The following RORA variants were observed in gnomAD, a reference collection of about 807,000 sequenced individuals.
RORA encodes the protein RAR related orphan receptor A, also known as nuclear receptor ROR-alpha.
A neutral mutation model predicts 69.5 loss-of-function variants in RORA; 7 were observed. The observed-to-expected ratio is 0.10, with a 90% CI of 0.06 to 0.19. The LOEUF (loss-of-function observed/expected upper bound fraction) is 0.19. Ranked by LOEUF, RORA falls within the 10% of genes least tolerant of loss-of-function variation. RORA has a pLI of 1.00. For missense variants in RORA, 457 were observed against 663.0 expected (o/e 0.69, Z 3.41); for synonymous variants, 261 against 240.8 (o/e 1.08, Z -0.78).
chr15:60,712,206 C>T (rs2071154269), intron 1 of RORA, among the ~76,000 whole-genome samples: 1 of 152,062 alleles, frequency 6.6e-6, no homozygotes, highest in Non-Finnish European at 1.5e-5. Flanking sequence ...ACCAGTTGTT[C>T]CCTACATATT....
chr15:60,932,494 T>C (rs1371872502), intron 1 of RORA, among the ~76,000 whole-genome samples: 1 of 152,232 alleles, frequency 6.6e-6, no homozygotes, highest in Admixed American at 6.5e-5. Flanking sequence ...TGTTTACGTG[T>C]TACTACCAAG....
intron 1 of RORA, among the ~76,000 whole-genome samples, chr15:60,880,970 C>T (rs977834188): frequency 6.6e-6 from 1 of 152,190 alleles, no homozygotes; most frequent in Non-Finnish European, 1.5e-5. Context: ...ATCTCTCACC[C>T]CTATTTTAAC....
chr15:61,043,021 T>A (rs1896857647), intron 1 of RORA, among the ~76,000 whole-genome samples: 1 of 152,194 alleles, frequency 6.6e-6, no homozygotes, highest in African/African-American at 2.4e-5. Context: ...GACAGCAGGC[T>A]GAGAGTGATG....
chr15:61,148,634 T>G (rs1477521516), intron 1 of RORA, among the ~76,000 whole-genome samples: 1 of 152,080 alleles, frequency 6.6e-6, no homozygotes, highest in Non-Finnish European at 1.5e-5. Flanking sequence ...GGGAAGGAAT[T>G]GCTTAATGAC....
intron 1 of RORA, among the ~76,000 whole-genome samples, chr15:60,940,731 T>C (rs1053555456): frequency 2.0e-5 from 3 of 152,092 alleles, no homozygotes; most frequent in Admixed American, 6.5e-5. Flanking sequence ...ATTGAGACCA[T>C]CCTGGCCAAC....
chr15:60,799,561 T>G (rs1055373731), intron 1 of RORA, among the ~76,000 whole-genome samples: 7 of 152,246 alleles, frequency 4.6e-5, no homozygotes, highest in African/African-American at 1.7e-4. Context: ...TTTAATTAAT[T>G]TATAAACTGC....
chr15:60,980,079 T>TA (rs1893997708), intron 1 of RORA, among the ~76,000 whole-genome samples: 2 of 152,204 alleles, frequency 1.3e-5, no homozygotes, highest in African/African-American at 4.8e-5. Flanking sequence ...TGAAAGTTTT[T>TA]ATCACGAAAG....
At chr15:60,842,492 C>T (rs899271757) in intron 1 of RORA, among the ~76,000 whole-genome samples, 1 of 152,250 alleles carries the variant, frequency 6.6e-6, no homozygotes. Context: ...AGTTAGTTCT[C>T]ACAAGAGTCC....
At chr15:60,664,435 T>C (rs1431913426) in intron 2 of RORA, among the ~76,000 whole-genome samples, 1 of 152,168 alleles carries the variant, frequency 6.6e-6, no homozygotes, top group Non-Finnish European at 1.5e-5. Context: ...AAGACTCCCA[T>C]CTGAGAAAGA....
chr15:60,497,232 C>T lies in RORA; in HGVS notation c.*223G>A. The T allele has an allele frequency of 8.6e-6, 4 of 465,534 alleles. No homozygotes were observed. In the South Asian group the frequency reaches 9.9e-5, roughly 11 times the overall value. The allele number at this position is 465,534 out of a possible 1,614,324, so 28.8% of individuals were successfully genotyped here. On this transcript the variant is annotated 3_prime_UTR_variant, in exon 11 of 11. Coordinates refer to ENST00000335670, the MANE Select transcript of RORA (RefSeq NM_134261.3). ...AAGAAGTCAAGACAGAAAAAGGGTC[C>T]ATATCTGTAGGCATAATGGAAATCA...
At chr15:61,086,054 G>C (rs1452268079) in intron 1 of RORA, among the ~76,000 whole-genome samples, 1 of 152,112 alleles carries the variant, frequency 6.6e-6, no homozygotes, top group Non-Finnish European at 1.5e-5. Flanking sequence ...TGTGTAAAGA[G>C]GTATAAAAAA....
intron 1 of RORA, among the ~76,000 whole-genome samples, chr15:61,168,236 G>GTGTGTA (rs1555416547): frequency 6.6e-6 from 1 of 150,666 alleles, no homozygotes; most frequent in East Asian, 1.9e-4. Flanking sequence ...GTGTGTGTGT[G>GTGTGTA]TATGTATTTT....
chr15:61,051,296 G>A (rs1566964560), intron 1 of RORA, among the ~76,000 whole-genome samples: 1 of 152,142 alleles, frequency 6.6e-6, no homozygotes, highest in Admixed American at 6.5e-5. Context: ...GCAGAAAGTA[G>A]GGGCTGGCTA....
At chr15:61,138,952 T>G (rs1455573265) in intron 1 of RORA, among the ~76,000 whole-genome samples, 7 of 152,142 alleles carry the variant, frequency 4.6e-5, no homozygotes, top group Non-Finnish European at 1.0e-4. Context: ...GAGACCATCC[T>G]GGCTAACAGG....
intron 1 of RORA, among the ~76,000 whole-genome samples, chr15:61,037,257 C>A (rs865966470): frequency 2.0e-5 from 3 of 152,202 alleles, no homozygotes; most frequent in Non-Finnish European, 4.4e-5. Flanking sequence ...CCACTATTAA[C>A]AGTGGATTCA....
chr15:61,174,699 C>T (rs2079612956), intron 1 of RORA, among the ~76,000 whole-genome samples: 1 of 152,168 alleles, frequency 6.6e-6, no homozygotes, highest in Non-Finnish European at 1.5e-5. Flanking sequence ...TCCCAGGCTC[C>T]AGTGTAAACC....
chr15:61,223,314 CA>C (rs10685041), intron 1 of RORA, among the ~76,000 whole-genome samples: 17,241 of 95,592 alleles, frequency 0.18, 671 homozygotes, highest in African/African-American at 0.2. Context: ...GACTCTGTCT[CA>C]AAAAAAAAAA....
chr15:60,952,546 T>C (rs58914773), intron 1 of RORA, among the ~76,000 whole-genome samples: 63,088 of 151,392 alleles, frequency 0.42, 14,294 homozygotes, highest in Non-Finnish European at 0.51. Flanking sequence ...AAAACCCCAT[T>C]GTCTCAGCCC....
intron 1 of RORA, among the ~76,000 whole-genome samples, chr15:60,844,473 C>T (rs1189484733): frequency 6.6e-6 from 1 of 152,158 alleles, no homozygotes; most frequent in Non-Finnish European, 1.5e-5. Context: ...AGTTTTCATT[C>T]TGAATGGTAA....
Sources: allele counts gnomAD v4.1 joint callset (sites outside exome capture counted in the v4.1 genomes callset), GRCh38; gene constraint gnomAD v4.1.1; transcripts MANE v1.5; gene names NCBI Gene and HGNC (gene_info 2026-07-23, HGNC 2026-07-21).